Variants in CSMD3 observed in about 807,000 individuals in gnomAD.
The protein encoded by CSMD3 is CUB and sushi domain-containing protein 3.
Under a neutral mutation model 435.2 loss-of-function variants are expected in CSMD3, and 177 were observed. That is an observed-to-expected ratio of 0.41 (90% CI 0.36 to 0.46). CSMD3 has a LOEUF of 0.46. Among genes scored for constraint, CSMD3 ranks in the 20% least tolerant of loss-of-function variants. The pLI is 0.34. For synonymous variants in CSMD3, 1,656 were observed against 1,520.5 expected, an observed-to-expected ratio of 1.09 and a Z score of -2.07; for missense variants, 4,265 against 4,504.6, an observed-to-expected ratio of 0.95 and a Z score of 1.52.
At position 112,976,115 on chromosome 8, in the gene CSMD3, C is replaced by G. The variant is rs2084838211; in HGVS notation, c.1064G>C (p.Gly355Ala). The change falls in exon 7 of 71, where the codon GGT becomes GCT. Residue 355 changes from glycine (G) to alanine (A), a missense_variant. Physicochemically the swap from Gly to Ala is moderately conservative, Grantham distance 60. Transcript: ENST00000297405. ...SSTLTHTTST[G>A]ELEEHNRTTT... ...AGTCCTGTTATGCTCCTCTAACTCA[C>G]CAGTGGAGGTAGTGTGGGTCAATGT... The G allele has an allele frequency of 6.2e-7, 1 of 1,613,980 alleles. No individual in the cohort carries two copies. Among genetic ancestry groups the G allele is most frequent in the Non-Finnish European group, 8.5e-7 (1 of 1,179,904 alleles).
At chr8:112,393,185 C>CTA (rs1376620871) in intron 35 of CSMD3, among the ~76,000 whole-genome samples, 2 of 152,106 alleles carry the variant, frequency 1.3e-5, no homozygotes, top group Non-Finnish European at 2.9e-5. Context: ...TGTGCCCGGC[C>CTA]TACAGATAAA....
At chr8:112,825,051 A>G (rs2079637833) in intron 12 of CSMD3, among the ~76,000 whole-genome samples, 1 of 152,148 alleles carries the variant, frequency 6.6e-6, no homozygotes, top group African/African-American at 2.4e-5. Context: ...TATTTCAGCA[A>G]GACAGTCTTC....
chr8:113,125,063 CTG>C (rs2091088134), intron 4 of CSMD3, among the ~76,000 whole-genome samples: 1 of 151,970 alleles, frequency 6.6e-6, no homozygotes, highest in Non-Finnish European at 1.5e-5. Context: ...TGTTCCATGT[CTG>C]TGTCTTAAGT....
chr8:112,471,410 T>C (rs925146720), intron 32 of CSMD3, among the ~76,000 whole-genome samples: 6 of 152,222 alleles, frequency 3.9e-5, no homozygotes, highest in Non-Finnish European at 2.9e-5. Flanking sequence ...ACTGTCGTTT[T>C]CTTCACTATC....
At chr8:112,400,159 A>T (rs1412965704) in intron 35 of CSMD3, among the ~76,000 whole-genome samples, 5 of 152,168 alleles carry the variant, frequency 3.3e-5, no homozygotes. Context: ...AACAATAGAA[A>T]TGTATTTCTT....
chr8:112,896,556 C>T (rs188030550), intron 10 of CSMD3, among the ~76,000 whole-genome samples: 1 of 79,486 alleles, frequency 1.3e-5, no homozygotes, highest in Non-Finnish European at 2.2e-5. Flanking sequence ...TAATCCATCA[C>T]CAAATCTTAT....
intron 17 of CSMD3, among the ~76,000 whole-genome samples, chr8:112,658,402 G>A (rs566818886): frequency 3.3e-5 from 5 of 152,048 alleles, no homozygotes; most frequent in East Asian, 1.9e-4. Context: ...TCATTATATC[G>A]TATCAGTCTC....
At chr8:112,539,644 C>G (rs1206203320) in intron 27 of CSMD3, among the ~76,000 whole-genome samples, 1 of 151,982 alleles carries the variant, frequency 6.6e-6, no homozygotes, top group East Asian at 1.9e-4. Context: ...TCATTTTTAA[C>G]AGATACACTG....
At chr8:112,837,445 C>A (rs1257059844) in intron 11 of CSMD3, among the ~76,000 whole-genome samples, 1 of 151,462 alleles carries the variant, frequency 6.6e-6, no homozygotes, top group Non-Finnish European at 1.5e-5. Flanking sequence ...GGATTATAGC[C>A]CCATTTCTCT....
At chr8:112,573,001 G>C (rs1829659135) in intron 24 of CSMD3, among the ~76,000 whole-genome samples, 1 of 151,914 alleles carries the variant, frequency 6.6e-6, no homozygotes, top group African/African-American at 2.4e-5. Flanking sequence ...TGAGATAATA[G>C]AACTGTGAGA....
chr8:113,043,584 C>T (rs1184199289), intron 5 of CSMD3, among the ~76,000 whole-genome samples: 2 of 149,170 alleles, frequency 1.3e-5, no homozygotes, highest in Non-Finnish European at 3.0e-5. Context: ...GTTTTAAAGC[C>T]TTTGACTGAC....
intron 22 of CSMD3, among the ~76,000 whole-genome samples, chr8:112,606,122 T>C (rs1190245865): frequency 6.6e-6 from 1 of 152,064 alleles, no homozygotes; most frequent in African/African-American, 2.4e-5. Context: ...CAGCAGACTG[T>C]GGCATCATAA....
intron 30 of CSMD3, among the ~76,000 whole-genome samples, chr8:112,498,346 C>T (rs978924152): frequency 4.6e-5 from 7 of 151,966 alleles, no homozygotes; most frequent in Non-Finnish European, 8.8e-5. Context: ...ATTTGTAGTT[C>T]TTTATCTATG....
At chr8:112,385,956 G>T (rs1476338658) in intron 36 of CSMD3, among the ~76,000 whole-genome samples, 3 of 152,106 alleles carry the variant, frequency 2.0e-5, no homozygotes, top group Non-Finnish European at 4.4e-5. Flanking sequence ...ATGGAAAAGG[G>T]TCTTTCAGAT....
intron 12 of CSMD3, among the ~76,000 whole-genome samples, chr8:112,827,207 A>ATATATATATATATATATAT (rs2079722410): frequency 2.4e-5 from 3 of 122,670 alleles, no homozygotes; most frequent in Admixed American, 8.6e-5. Flanking sequence ...ATATATATAT[A>ATATATATATATATATATAT]ATCTTTCTAC....
intron 1 of CSMD3, among the ~76,000 whole-genome samples, chr8:113,410,616 G>T (rs535814289): frequency 5.3e-5 from 8 of 151,764 alleles, no homozygotes; most frequent in African/African-American, 1.9e-4. Context: ...TCTATCTTTG[G>T]AACTTTACTA....
chr8:112,476,353 A>G (rs1024362151), intron 31 of CSMD3, among the ~76,000 whole-genome samples: 1 of 152,148 alleles, frequency 6.6e-6, no homozygotes. Flanking sequence ...GCCTAAATCT[A>G]TATTTTTAAT....
At chr8:112,225,458 T>G (rs1016263463) in intron 70 of CSMD3, among the ~76,000 whole-genome samples, 1 of 152,026 alleles carries the variant, frequency 6.6e-6, no homozygotes, top group Non-Finnish European at 1.5e-5. Context: ...TAATGAGAAT[T>G]GTTATGATGA....
intron 30 of CSMD3, among the ~76,000 whole-genome samples, chr8:112,501,351 C>G (rs1821935014): frequency 6.7e-6 from 1 of 149,952 alleles, no homozygotes; most frequent in Non-Finnish European, 1.5e-5. Flanking sequence ...CTGAGATCAC[C>G]GCTGCACTCC....
Sources: allele counts gnomAD v4.1 joint callset (sites outside exome capture counted in the v4.1 genomes callset), GRCh38; gene constraint gnomAD v4.1.1; transcripts MANE v1.5; gene names NCBI Gene and HGNC (gene_info 2026-07-23, HGNC 2026-07-21).